The following CARMIL1 variants were observed in gnomAD, a reference collection of about 807,000 sequenced individuals.
CARMIL1 encodes the protein capping protein regulator and myosin 1 linker 1, also known as F-actin-uncapping protein LRRC16A.
A neutral mutation model predicts 177.1 loss-of-function variants in CARMIL1; 90 were observed. The observed-to-expected ratio is 0.51, with a 90% CI of 0.43 to 0.61. CARMIL1 has a LOEUF of 0.61. Ranked by LOEUF, CARMIL1 falls within the 20% of genes least tolerant of loss-of-function variation. CARMIL1 has a pLI of 0.00. For missense variants in CARMIL1, 1,380 were observed against 1,667.0 expected (o/e 0.83, Z 3.00); for synonymous variants, 577 against 606.2 (o/e 0.95, Z 0.71).
chr6:25,516,597 G>A (rs1166200714), intron 21 of CARMIL1, among the ~76,000 whole-genome samples: 3 of 152,186 alleles, frequency 2.0e-5, no homozygotes, highest in African/African-American at 4.8e-5. Context: ...GAAGGTCATC[G>A]AGATTAGGAA....
intron 29 of CARMIL1, among the ~76,000 whole-genome samples, chr6:25,580,422 C>A (rs892330684): frequency 5.3e-5 from 8 of 152,164 alleles, no homozygotes; most frequent in African/African-American, 1.7e-4. Context: ...ATTTTTGAAT[C>A]CTAGCACCTT....
At chr6:25,387,485 G>A (rs2150515774) in intron 2 of CARMIL1, among the ~76,000 whole-genome samples, 1 of 152,306 alleles carries the variant, frequency 6.6e-6, no homozygotes, top group East Asian at 1.9e-4. Context: ...TTTTCTAAGT[G>A]AAGAATTCTA....
rs549919136 is a variant in CARMIL1, at chr6:25,465,390, C to T, written c.615-483C>T. On this transcript the variant is annotated intron_variant, in intron 8 of 36. Coordinates refer to ENST00000329474, the MANE Select transcript of CARMIL1 (RefSeq NM_017640.6). ...CAAAAATTAGCCAGGCATGGTGGCG[C>T]GTGCCTGTAGTCCCAGCTACTTGGG... 5.8e-4 allele frequency: 89 copies of T among 154,610 alleles called. 1 individual carries two copies. The South Asian group carries it at 0.016, about 28-fold the overall frequency. The allele number at this position is 154,610 out of a possible 1,614,324, so 9.6% of individuals were successfully genotyped here. A position where few individuals can be genotyped will look rare whatever the true frequency, so the allele number is the denominator to read the frequency against.
chr6:25,405,701 T>C (rs142180532), intron 2 of CARMIL1, among the ~76,000 whole-genome samples: 1 of 152,228 alleles, frequency 6.6e-6, no homozygotes, highest in South Asian at 2.1e-4. Context: ...ATCTTTTTAT[T>C]GTTCTATTTC....
intron 2 of CARMIL1, among the ~76,000 whole-genome samples, chr6:25,323,678 T>C (rs953944195): frequency 1.3e-5 from 2 of 152,228 alleles, no homozygotes; most frequent in African/African-American, 4.8e-5. Flanking sequence ...ATGGTTTCTA[T>C]GGTTCCTGGT....
At chr6:25,408,824 A>G (rs1321987904) in intron 2 of CARMIL1, among the ~76,000 whole-genome samples, 2 of 93,242 alleles carry the variant, frequency 2.1e-5, no homozygotes, top group Non-Finnish European at 4.1e-5. Flanking sequence ...CATAAAATAG[A>G]AAAAAAAAAA....
rs142487992 is a variant in CARMIL1 at position 25,602,585 on chromosome 6, A to G, written c.3552+1839A>G. On this transcript the variant is annotated intron_variant, in intron 33 of 36. Transcript: ENST00000329474. ...TGATCTGTTAGCGCCATCTAGTGTC[A>G]CTTTAAAACAACCATTGTTAAAAAT... 3.6e-3 allele frequency among the ~76,000 whole-genome samples: 551 copies of G among 152,332 alleles called. 2 individuals carry two copies. Among genetic ancestry groups the G allele is most frequent in the African/African-American group, 0.013 (540 of 41,562 alleles).
Position 25,442,880 on chromosome 6 carries a change from C to T in CARMIL1, c.372-7018C>T, listed in dbSNP as rs185164022. On this transcript the variant is annotated intron_variant, in intron 5 of 36. Transcript: ENST00000329474. Reference sequence around the variant, plus strand: ...CCCCTTAACCCTGAGTGTGAATGTCCACTTTTGTTTTTCGAGTAAAACTGA... The same window carrying T: ...CCCCTTAACCCTGAGTGTGAATGTCTACTTTTGTTTTTCGAGTAAAACTGA... Among the ~76,000 whole-genome samples, 3 of 152,224 alleles carry T rather than the reference C, an allele frequency of 2.0e-5. No homozygotes were observed. In the East Asian group the frequency reaches 5.8e-4, roughly 29 times the overall value.
At chr6:25,486,527 A>G (rs147258749) in intron 12 of CARMIL1, among the ~76,000 whole-genome samples, 100 of 152,310 alleles carry the variant, frequency 6.6e-4, no homozygotes, top group African/African-American at 2.1e-3. Context: ...TATTGGCCCT[A>G]TGTTTTGGAC....
intron 17 of CARMIL1, among the ~76,000 whole-genome samples, chr6:25,507,017 GATTTT>G (rs1445066342): frequency 6.6e-6 from 1 of 152,094 alleles, no homozygotes; most frequent in African/African-American, 2.4e-5. Context: ...AAAGAAAGAC[GATTTT>G]ATTTTTAACC....
chr6:25,596,763 T>C (rs970887702), intron 32 of CARMIL1, among the ~76,000 whole-genome samples: 2 of 152,120 alleles, frequency 1.3e-5, no homozygotes, highest in African/African-American at 4.8e-5. Flanking sequence ...TTTGAGCATG[T>C]TGGTGCTGAA....
chr6:25,373,620 A>G (rs1201087785), intron 2 of CARMIL1, among the ~76,000 whole-genome samples: 1 of 140,646 alleles, frequency 7.1e-6, no homozygotes, highest in Non-Finnish European at 1.5e-5. Flanking sequence ...GTCTCGCTTT[A>G]TCACCAGGCT....
At chr6:25,463,272 A>G (rs1015666948) in intron 8 of CARMIL1, among the ~76,000 whole-genome samples, 1 of 152,170 alleles carries the variant, frequency 6.6e-6, no homozygotes, top group African/African-American at 2.4e-5. Flanking sequence ...TAGCATTTAT[A>G]TCTTTTTTTA....
intron 21 of CARMIL1, among the ~76,000 whole-genome samples, chr6:25,516,885 C>T (rs1473202909): frequency 1.3e-5 from 2 of 152,196 alleles, no homozygotes; most frequent in African/African-American, 4.8e-5. Flanking sequence ...GACAGATTCT[C>T]TCTAGTGTTT....
intron 3 of CARMIL1, among the ~76,000 whole-genome samples, chr6:25,424,543 G>C (rs1156596296): frequency 2.0e-5 from 3 of 152,174 alleles, no homozygotes; most frequent in Non-Finnish European, 2.9e-5. Context: ...ACCACCCACT[G>C]AATGAGATGC....
intron 2 of CARMIL1, among the ~76,000 whole-genome samples, chr6:25,324,762 C>T (rs1244926505): frequency 6.6e-6 from 1 of 151,866 alleles, no homozygotes. Context: ...GTGATGGGTG[C>T]TGTTGGAGAT....
intron 9 of CARMIL1, among the ~76,000 whole-genome samples, chr6:25,466,171 T>G (rs1187137592): frequency 1.3e-5 from 2 of 152,202 alleles, no homozygotes; most frequent in African/African-American, 2.4e-5. Context: ...TCGGGCAATT[T>G]AAGAAGATGA....
intron 2 of CARMIL1, among the ~76,000 whole-genome samples, chr6:25,339,150 T>C (rs1278910491): frequency 1.3e-5 from 2 of 152,112 alleles, no homozygotes; most frequent in East Asian, 3.9e-4. Context: ...TATGGACAGG[T>C]GGTGTAGCGT....
At chr6:25,316,259 T>C (rs527733488) in intron 2 of CARMIL1, among the ~76,000 whole-genome samples, 57 of 152,184 alleles carry the variant, frequency 3.7e-4, no homozygotes, top group African/African-American at 1.3e-3. Context: ...TTGCATGGTG[T>C]GAGGAGTGGG....
Sources: gnomAD v4.1 joint callset for allele counts (sites outside exome capture counted in the v4.1 genomes callset) on GRCh38, gnomAD v4.1.1 for gene constraint, MANE v1.5 for transcripts, NCBI Gene and HGNC (gene_info 2026-07-23, HGNC 2026-07-21) for gene names.